ZNF614: variants seen among roughly 807,000 people sequenced by gnomAD.
The protein encoded by ZNF614 is zinc finger protein 614.
Under a neutral mutation model 12.8 loss-of-function variants are expected in ZNF614, and 11 were observed. The observed-to-expected ratio is 0.86, with a 90% CI of 0.54 to 1.43. The LOEUF is 1.43. Ranked by LOEUF, ZNF614 falls within the 40% of genes most tolerant of loss-of-function variation. ZNF614 has a pLI of 0.00. For missense variants in ZNF614, 664 were observed against 708.8 expected (o/e 0.94, Z 0.72); for synonymous variants, 237 against 237.5 (o/e 1.00, Z 0.02).
At chr19:52,023,115 T>G (rs2086942964) in intron 2 of ZNF614, among the ~76,000 whole-genome samples, 1 of 145,660 alleles carries the variant, frequency 6.9e-6, no homozygotes, top group Non-Finnish European at 1.5e-5. Flanking sequence ...AGAAAAAAAC[T>G]CACAGCCTGG....
chr19:52,016,310 T>C lies in ZNF614; in HGVS notation c.1288A>G (p.Asn430Asp), dbSNP rs2086896581. The C allele has an allele frequency of 1.2e-6, 2 of 1,614,154 alleles. No homozygotes were observed. Among genetic ancestry groups the C allele is most frequent in the South Asian group, 1.1e-5 (1 of 91,064 alleles). ...THTGEKSYIC[N>D]ECGKGFTTKR... ...GTGGTGAAGCCTTTACCACATTCAT[T>C]GCATATGTAAGATTTCTCTCCTGTA... is the stretch of plus-strand genomic sequence containing the variant. The change falls in exon 5 of 5, where the codon AAT (asparagine) becomes GAT (aspartate). Residue 430 changes from asparagine (N) to aspartate (D), a missense_variant. Asn to Asp is a conservative substitution (Grantham distance 23, BLOSUM62 1). Transcript: ENST00000270649.
At chr19:52,023,442 A>G (rs2086948014) in intron 2 of ZNF614, among the ~76,000 whole-genome samples, 2 of 152,088 alleles carry the variant, frequency 1.3e-5, no homozygotes, top group South Asian at 2.1e-4. Flanking sequence ...CCCCATGCCC[A>G]GCCTGTTCAA....
rs1165843919 is a variant in ZNF614, at chr19:52,013,700, G to A, written c.*2140C>T. The A allele has an allele frequency of 6.6e-6, 1 of 152,166 alleles. No homozygotes were observed. Among genetic ancestry groups the A allele is most frequent in the African/African-American group, 2.4e-5 (1 of 41,440 alleles). 9.4% of individuals were successfully genotyped at this position (152,166 alleles called of 1,614,324 possible). On this transcript the variant is annotated 3_prime_UTR_variant, in exon 5 of 5. Transcript: ENST00000270649. ...AAAGTGGTTGGCAGAGTTAGGTTTG[G>A]ATGGAGTGTAAGCATAAAAAGGTAG... is the stretch of plus-strand genomic sequence containing the variant.
At chr19:52,019,483 A>G (rs1194672397) in intron 2 of ZNF614, among the ~76,000 whole-genome samples, 1 of 152,234 alleles carries the variant, frequency 6.6e-6, no homozygotes, top group Non-Finnish European at 1.5e-5. Context: ...ACAAGTTCAG[A>G]GCAGGAAGTC....
chr19:52,021,735 A>G (rs1291481974), intron 2 of ZNF614, among the ~76,000 whole-genome samples: 3 of 147,514 alleles, frequency 2.0e-5, no homozygotes, highest in Admixed American at 6.6e-5. Context: ...TGTCTCAAAT[A>G]AAGAAAAAAA....
At chr19:52,026,117 A>G (rs755018609) in intron 1 of ZNF614, among the ~76,000 whole-genome samples, 156 bp from the exon 2 acceptor site, 11 of 152,218 alleles carry the variant, frequency 7.2e-5, no homozygotes, top group Non-Finnish European at 1.6e-4. Context: ...TGTGAAATCT[A>G]TGCCTTTCTT....
At position 52,024,909 on chromosome 19, in the gene ZNF614, C is replaced by T. The variant is rs377604781; in HGVS notation, c.15+822G>A. 2.0e-4 allele frequency among the ~76,000 whole-genome samples: 31 copies of T among 152,206 alleles called. No homozygotes were observed. The South Asian group carries it at 5.4e-3, about 26-fold the overall frequency. Reference sequence around the variant, plus strand: ...CCCCAGCATGACACCGGGGGATACCCGTAAAGGGTCTGTGCTGAGGAGGAT... The same window carrying T: ...CCCCAGCATGACACCGGGGGATACCTGTAAAGGGTCTGTGCTGAGGAGGAT... On this transcript the variant is annotated intron_variant, in intron 2 of 4. Coordinates refer to ENST00000270649, the MANE Select transcript of ZNF614 (RefSeq NM_025040.4).
At chr19:52,026,968 C>G (rs2086979336) in intron 1 of ZNF614, among the ~76,000 whole-genome samples, 1 of 152,264 alleles carries the variant, frequency 6.6e-6, no homozygotes, top group African/African-American at 2.4e-5. Context: ...CCACATCCCC[C>G]TCTCCGAGGT....
At position 52,015,847 on chromosome 19, in the gene ZNF614, T is replaced by C. The variant is rs1306396924; in HGVS notation, c.1751A>G (p.Tyr584Cys). 19 of 1,606,704 alleles carry C rather than the reference T, an allele frequency of 1.2e-5. No individual in the cohort carries two copies. Among genetic ancestry groups the C allele is most frequent in the East Asian group, 4.5e-5 (2 of 44,850 alleles). Residue 584 changes from tyrosine (Y) to cysteine (C), a missense_variant, in exon 5 of 5, where the codon TAT (tyrosine) becomes TGT (cysteine). By Grantham distance (194) the Tyr-to-Cys change is radical. Coordinates refer to ENST00000270649, the MANE Select transcript of ZNF614 (RefSeq NM_025040.4). ...SCNGESQLLPYK is the reference protein window; with the variant it reads ...SCNGESQLLPCK ...GTTTTCTTCTGCATGAGTTCACTTATAAGGAAGGAGCTGTGACTCTCCATT... is the reference window on the plus strand; with the variant it reads ...GTTTTCTTCTGCATGAGTTCACTTACAAGGAAGGAGCTGTGACTCTCCATT...
intron 2 of ZNF614, among the ~76,000 whole-genome samples, chr19:52,023,929 CTCTG>C (rs1216810197): frequency 6.6e-6 from 1 of 152,110 alleles, no homozygotes; most frequent in Non-Finnish European, 1.5e-5. Context: ...AACCCCTGAC[CTCTG>C]TGGAAGGGAG....
In ZNF614 at chr19:52,014,407, C is replaced by T. The variant is rs1020176792; in HGVS notation, c.*1433G>A. 1 of 152,172 alleles carries T rather than the reference C, an allele frequency of 6.6e-6. No homozygotes were observed. The highest frequency in any genetic ancestry group is 1.9e-4 in the East Asian group (1 of 5,198). 9.4% of individuals were successfully genotyped at this position (152,172 alleles called of 1,614,324 possible). A position where few individuals can be genotyped will look rare whatever the true frequency, so the allele number is the denominator to read the frequency against. ...AGTTAAGGGGCTCAGTCCAAGACTT[C>T]CCCCACATCAGATGCCACTCACAAG... On this transcript the variant is annotated 3_prime_UTR_variant, in exon 5 of 5. Coordinates refer to ENST00000270649, the MANE Select transcript of ZNF614 (RefSeq NM_025040.4).
rs2086887590 is a variant in ZNF614 at position 52,014,950 on chromosome 19, TCTATGCC to T, written c.*883_*889del. On this transcript the variant is annotated 3_prime_UTR_variant, in exon 5 of 5. Coordinates refer to ENST00000270649, the MANE Select transcript of ZNF614 (RefSeq NM_025040.4). ...ATGAAATTCTAAGCGTTTTAGGAGC[TCTATGCC>T]AGGAACCAGGAACAAAGACCAAATG... 1 of 152,182 alleles carries T rather than the reference TCTATGCC, an allele frequency of 6.6e-6. No homozygotes were observed. The highest frequency in any genetic ancestry group is 1.5e-5 in the Non-Finnish European group (1 of 68,032). The allele number at this position is 152,182 out of a possible 1,614,324, so 9.4% of individuals were successfully genotyped here. A position where few individuals can be genotyped will look rare whatever the true frequency, so the allele number is the denominator to read the frequency against.
At chr19:52,024,439 T>C (rs1306727815) in intron 2 of ZNF614, among the ~76,000 whole-genome samples, 2 of 152,026 alleles carry the variant, frequency 1.3e-5, no homozygotes, top group East Asian at 3.9e-4. Context: ...GTATGGAGAA[T>C]TGAATTGATG....
intron 4 of ZNF614, 166 bp downstream of exon 4, chr19:52,017,842 C>T (rs1490249596): frequency 5.8e-6 from 3 of 521,574 alleles, no homozygotes; most frequent in African/African-American, 1.9e-5. Context: ...CAAGAAAAGA[C>T]AAAAAGTCTT....
Position 52,016,871 on chromosome 19 carries a change from T to G in ZNF614, c.727A>C (p.Ser243Arg), listed in dbSNP as rs2086901799. Residue 243 changes from serine to arginine, a missense_variant, in exon 5 of 5, where the codon AGT (serine) becomes CGT (arginine). Ser to Arg is a moderately radical substitution (Grantham distance 110, BLOSUM62 -1). Coordinates refer to ENST00000270649, the MANE Select transcript of ZNF614 (RefSeq NM_025040.4). ...GSGQCEKLSR[S>R]VLFTKHLKTN... is the part of the protein sequence containing the mutation. ...TTCAGATGCTTAGTGAACAGGACACTTCTGGATAATTTCTCACATTGACCA... is the reference window on the plus strand; with the variant it reads ...TTCAGATGCTTAGTGAACAGGACACGTCTGGATAATTTCTCACATTGACCA... 1.9e-6 allele frequency: 3 copies of G among 1,614,042 alleles called. No individual in the cohort carries two copies. Among genetic ancestry groups the G allele is most frequent in the South Asian group, 1.1e-5 (1 of 91,088 alleles).
At position 52,015,761 on chromosome 19, in the gene ZNF614, T is replaced by C; in HGVS notation, c.*79A>G. On this transcript the variant is annotated 3_prime_UTR_variant, in exon 5 of 5. Coordinates refer to ENST00000270649, the MANE Select transcript of ZNF614 (RefSeq NM_025040.4). ...ATGTTCCAATTGGCTAGAAACACAC[T>C]GATGTTTAATGAAGTCTGAGTTGCC... 1 of 1,325,120 alleles carries C rather than the reference T, an allele frequency of 7.5e-7. No individual in the cohort carries two copies. The highest frequency in any genetic ancestry group is 1.0e-6 in the Non-Finnish European group (1 of 959,064). The allele number at this position is 1,325,120 out of a possible 1,614,324, so 82.1% of individuals were successfully genotyped here. A position where few individuals can be genotyped will look rare whatever the true frequency, so the allele number is the denominator to read the frequency against.
At position 52,016,630 on chromosome 19, in the gene ZNF614, C is replaced by G. The variant is rs1461070498; in HGVS notation, c.968G>C (p.Gly323Ala). The G allele has an allele frequency of 3.1e-6, 5 of 1,614,176 alleles. No homozygotes were observed. The highest frequency in any genetic ancestry group is 4.5e-5 in the East Asian group (2 of 44,876). The change falls in exon 5 of 5, where the codon GGT (glycine) becomes GCT (alanine). Residue 323 changes from glycine (G) to alanine (A), a missense_variant. By Grantham distance (60) the Gly-to-Ala change is moderately conservative. Transcript: ENST00000270649. Reference protein sequence around the residue: ...KPYVCKECGKGFTVKSNLIVH... With the variant: ...KPYVCKECGKAFTVKSNLIVH... ...AATGAGATTGCTCTTCACAGTGAAA[C>G]CTTTTCCACATTCTTTGCACACATA...
Position 52,016,589 on chromosome 19 carries a change from G to C in ZNF614, c.1009C>G (p.His337Asp), listed in dbSNP as rs1334488176. ...CATATATAGGGTTTCTCCCCTGTAT[G>C]AGTTCGCTGATGTACAATGAGATTG... The part of the protein sequence containing the change: ...KSNLIVHQRT[H>D]TGEKPYICSE... Residue 337 changes from histidine (H) to aspartate (D), a missense_variant, in exon 5 of 5, where the codon CAT (histidine) becomes GAT (aspartate). Physicochemically the swap from His to Asp is moderately conservative, Grantham distance 81 (BLOSUM62 -1). Coordinates refer to ENST00000270649, the MANE Select transcript of ZNF614 (RefSeq NM_025040.4). 1.2e-6 allele frequency: 2 copies of C among 1,614,202 alleles called. No homozygotes were observed. The highest frequency in any genetic ancestry group is 1.7e-5 in the Admixed American group (1 of 60,026).
rs577785278 is a variant in ZNF614 at position 52,022,448 on chromosome 19, G to A, written c.15+3283C>T. On this transcript the variant is annotated intron_variant, in intron 2 of 4. Transcript: ENST00000270649. ...CTGGCCCCCGCAACGTCTGGGAAGTGAGGAGCGCCTTTGCGCGGCTGCTGT... is the reference window on the plus strand; with the variant it reads ...CTGGCCCCCGCAACGTCTGGGAAGTAAGGAGCGCCTTTGCGCGGCTGCTGT... Among the ~76,000 whole-genome samples the A allele has an allele frequency of 1.6e-3, 237 of 152,342 alleles. 2 individuals carry two copies. The highest frequency in any genetic ancestry group is 2.6e-3 in the Non-Finnish European group (178 of 68,028).
Sources: gnomAD v4.1 joint callset for allele counts (sites outside exome capture counted in the v4.1 genomes callset) on GRCh38, gnomAD v4.1.1 for gene constraint, MANE v1.5 for transcripts, NCBI Gene and HGNC (gene_info 2026-07-23, HGNC 2026-07-21) for gene names.